DMBT1: variants seen among roughly 807,000 people sequenced by gnomAD.
DMBT1 encodes the protein deleted in malignant brain tumors 1.
DMBT1 carries 198 observed loss-of-function variants against 252.9 expected under a neutral mutation model. The ratio of observed to expected loss-of-function variants is 0.78; its 90% confidence interval spans 0.70 to 0.88. DMBT1 has a LOEUF of 0.88. Among genes scored for constraint, DMBT1 ranks in the 40% least tolerant of loss-of-function variants. The pLI is 0.00. For synonymous variants in DMBT1, 990 were observed against 942.7 expected (o/e 1.05, Z -0.92); for missense variants, 2,432 against 2,404.7 (o/e 1.01, Z -0.24).
At chr10:122,632,818 G>T in intron 50 of DMBT1, 43 bp from the exon 51 acceptor site, 4 of 1,608,824 alleles carry the variant, frequency 2.5e-6, no homozygotes, top group Non-Finnish European at 3.4e-6. Flanking sequence ...GCTGTGTCAG[G>T]GATGCCAGAA....
chr10:122,630,033 C>A (rs1380949416), intron 47 of DMBT1, 40 bp downstream of exon 47: 5 of 1,610,278 alleles, frequency 3.1e-6, no homozygotes, highest in Non-Finnish European at 4.2e-6. Flanking sequence ...GTGAGTTCCT[C>A]TGCAGCACAC....
At chr10:122,593,525 C>T (rs759302441) in intron 20 of DMBT1, 44 bp from the exon 21 acceptor site, 1 of 1,581,518 alleles carries the variant, frequency 6.3e-7, no homozygotes, top group African/African-American at 1.3e-5. Flanking sequence ...TTGCCGACTT[C>T]TGTGTAATGT....
At chr10:122,600,399 A>G (rs184883014) in intron 27 of DMBT1, among the ~76,000 whole-genome samples, 5 of 152,226 alleles carry the variant, frequency 3.3e-5, no homozygotes, top group Non-Finnish European at 5.9e-5. Flanking sequence ...GTCCTTTTAT[A>G]TTCCGGACTC....
At chr10:122,578,400 T>A (rs549665778) in intron 8 of DMBT1, among the ~76,000 whole-genome samples, 1 of 152,140 alleles carries the variant, frequency 6.6e-6, no homozygotes. Context: ...TAGCTGCAAG[T>A]GTCAAGTCTT....
intron 40 of DMBT1, 42 bp from the exon 41 acceptor site, chr10:122,617,975 T>G (rs1239917852): frequency 1.2e-6 from 2 of 1,608,790 alleles, no homozygotes; most frequent in South Asian, 1.1e-5. Flanking sequence ...ATTGTTGACC[T>G]CCTGGTGGGG....
At chr10:122,638,827 C>A (rs1372472400) in intron 54 of DMBT1, among the ~76,000 whole-genome samples, 1 of 152,224 alleles carries the variant, frequency 6.6e-6, no homozygotes, top group Non-Finnish European at 1.5e-5. Flanking sequence ...TCTTTGCAAC[C>A]CCCAGTGCCC....
chr10:122,635,274 G>A (rs1007450761), intron 52 of DMBT1, among the ~76,000 whole-genome samples: 9 of 152,154 alleles, frequency 5.9e-5, no homozygotes, highest in African/African-American at 1.9e-4. Context: ...GACTTGCCCA[G>A]TATTTATTTA....
At chr10:122,597,121 C>A (rs2097889211) in intron 24 of DMBT1, 67 bp downstream of exon 24, 1 of 372,208 alleles carries the variant, frequency 2.7e-6, no homozygotes, top group South Asian at 7.5e-5. Context: ...TTTCTGCACT[C>A]CACAGAGCCC....
In DMBT1 at chr10:122,618,203, T is replaced by C. The variant is rs1196268911; in HGVS notation, c.5078T>C (p.Phe1693Ser). ...ATGTCAGCCCCAGGAAATGCCCAGT[T>C]TGGCCAGGGCTCAGGACCCATTGTC... ...WAMSAPGNAQFGQGSGPIVLD... is the reference protein window; with the variant it reads ...WAMSAPGNAQSGQGSGPIVLD... Residue 1693 changes from phenylalanine (F) to serine (S), a missense_variant, in exon 41 of 56, where the codon TTT becomes TCT. This residue lies in a region of DMBT1 where 1,162 missense variants were observed against 1,169.0 expected (regional missense o/e 0.99). Transcript: ENST00000338354. 1 of 1,613,872 alleles carries C rather than the reference T, an allele frequency of 6.2e-7. No individual in the cohort carries two copies. The highest frequency in any genetic ancestry group is 8.5e-7 in the Non-Finnish European group (1 of 1,179,816).
chr10:122,585,895 CTT>C (rs2097785374), intron 15 of DMBT1, among the ~76,000 whole-genome samples, 163 bp from the exon 16 acceptor site: 1 of 148,926 alleles, frequency 6.7e-6, no homozygotes, highest in Non-Finnish European at 1.5e-5. Context: ...GGCAGAACTG[CTT>C]CTTTGACTTT....
chr10:122,585,826 T>A (rs1485522539), intron 15 of DMBT1, among the ~76,000 whole-genome samples: 1 of 148,702 alleles, frequency 6.7e-6, no homozygotes, highest in Non-Finnish European at 1.5e-5. Flanking sequence ...GGGTTTCCGT[T>A]CCTGTTAACT....
chr10:122,600,796 A>T (rs1465317243), intron 27 of DMBT1, among the ~76,000 whole-genome samples, 195 bp from the exon 28 acceptor site: 1 of 152,202 alleles, frequency 6.6e-6, no homozygotes, highest in Admixed American at 6.5e-5. Flanking sequence ...TGGAGGGCTC[A>T]GTCTGGTCTC....
At chr10:122,640,547 C>G in intron 55 of DMBT1, 98 bp downstream of exon 55, 1 of 1,283,388 alleles carries the variant, frequency 7.8e-7, no homozygotes, top group Non-Finnish European at 1.1e-6. Flanking sequence ...TGATGAACTG[C>G]AGTTCCCAGT....
chr10:122,624,879 A>G (rs1256513434), intron 44 of DMBT1, among the ~76,000 whole-genome samples: 1 of 148,484 alleles, frequency 6.7e-6, no homozygotes, highest in East Asian at 1.9e-4. Context: ...CCTCTATTTT[A>G]GTGTGTGGTT....
chr10:122,622,487 C>T (rs1565910883), intron 44 of DMBT1, among the ~76,000 whole-genome samples: 1 of 152,190 alleles, frequency 6.6e-6, no homozygotes, highest in Admixed American at 6.5e-5. Context: ...TTTCCCCATG[C>T]TTTGCTTACA....
intron 54 of DMBT1, among the ~76,000 whole-genome samples, chr10:122,638,145 G>C (rs139995324): frequency 6.6e-6 from 1 of 152,300 alleles, no homozygotes; most frequent in African/African-American, 2.4e-5. Flanking sequence ...TACTCCCCCA[G>C]TGAAGGCCTG....
At position 122,560,838 on chromosome 10, in the gene DMBT1, C is replaced by G; in HGVS notation, c.61+7C>G. The G allele has an allele frequency of 6.4e-7, 1 of 1,553,938 alleles. No homozygotes were observed. Among genetic ancestry groups the G allele is most frequent in the Non-Finnish European group, 8.7e-7 (1 of 1,144,992 alleles). The stretch of plus-strand genomic sequence containing the variant: ...GGACAAGTTCTATCTACAGGTATTA[C>G]GTTTAATTATTATATTCATTAATTT... On this transcript the variant is annotated splice_region_variant and intron_variant, in intron 1 of 55. Coordinates refer to ENST00000338354, the MANE Select transcript of DMBT1 (RefSeq NM_001377530.1).
chr10:122,593,287 G>A (rs1285504614), intron 20 of DMBT1, among the ~76,000 whole-genome samples: 1 of 148,408 alleles, frequency 6.7e-6, no homozygotes, highest in African/African-American at 2.4e-5. Flanking sequence ...TGCTGACTCA[G>A]GAACACCTAA....
In DMBT1 at chr10:122,640,186, C is replaced by T. The variant is rs780487268; in HGVS notation, c.7089C>T (p.Asp2363=). Residue 2363 remains aspartate, a synonymous_variant, in exon 55 of 56, where the codon GAC becomes GAT. Coordinates refer to ENST00000338354, the MANE Select transcript of DMBT1 (RefSeq NM_001377530.1). ...TCGACACCATGTACATTGCTAATGACACCATCCACGTTGCTAATAACACCA... is the reference window on the plus strand; with the variant it reads ...TCGACACCATGTACATTGCTAATGATACCATCCACGTTGCTAATAACACCA... ...TWVDTMYIAN[D]TIHVANNTIQ... is the part of the protein sequence containing the mutation. The T allele has an allele frequency of 6.2e-7, 1 of 1,614,058 alleles. No homozygotes were observed. The highest frequency in any genetic ancestry group is 8.5e-7 in the Non-Finnish European group (1 of 1,179,904).
Sources: gnomAD v4.1 joint callset for allele counts (sites outside exome capture counted in the v4.1 genomes callset) on GRCh38, gnomAD v4.1.1 for gene constraint, gnomAD v4.1.1 regional missense constraint, MANE v1.5 for transcripts, NCBI Gene and HGNC (gene_info 2026-07-23, HGNC 2026-07-21) for gene names.